MYO1E: variants seen among roughly 807,000 people sequenced by gnomAD.
MYO1E encodes the protein unconventional myosin-Ie.
A neutral mutation model predicts 151.1 loss-of-function variants in MYO1E; 68 were observed. The observed-to-expected ratio is 0.45, with a 90% CI of 0.37 to 0.55. The LOEUF (loss-of-function observed/expected upper bound fraction) is 0.55. MYO1E is among the 20% of genes least tolerant of loss of function. The pLI, the probability that MYO1E is intolerant of heterozygous loss-of-function variation, is 0.00. For missense variants in MYO1E, 1,363 were observed against 1,389.3 expected (o/e 0.98, Z 0.30); for synonymous variants, 601 against 501.7 (o/e 1.20, Z -2.64).
chr15:59,279,955 C>T (rs1391477424), intron 1 of MYO1E, among the ~76,000 whole-genome samples: 1 of 152,128 alleles, frequency 6.6e-6, no homozygotes, highest in Non-Finnish European at 1.5e-5. Context: ...AATATACACA[C>T]ACAGAGCTGT....
intron 1 of MYO1E, among the ~76,000 whole-genome samples, chr15:59,320,546 T>C (rs1303632135): frequency 6.6e-6 from 1 of 152,158 alleles, no homozygotes; most frequent in Non-Finnish European, 1.5e-5. Flanking sequence ...CCTATAACCA[T>C]CTGATCTTCA....
chr15:59,222,907 C>G, intron 9 of MYO1E, 152 bp downstream of exon 9: 2 of 1,207,688 alleles, frequency 1.7e-6, no homozygotes, highest in Non-Finnish European at 1.2e-6. Flanking sequence ...TCTGGTCTCT[C>G]GTGAAGCCAT....
intron 1 of MYO1E, among the ~76,000 whole-genome samples, chr15:59,345,279 C>A (rs1277206550): frequency 6.6e-6 from 1 of 151,712 alleles, no homozygotes; most frequent in East Asian, 1.9e-4. Context: ...AAGCAAAGTG[C>A]AGAATATTGC....
intron 2 of MYO1E, among the ~76,000 whole-genome samples, chr15:59,269,140 A>G (rs2080274998): frequency 6.6e-6 from 1 of 152,176 alleles, no homozygotes; most frequent in Admixed American, 6.5e-5. Flanking sequence ...TTACAGTGGA[A>G]TTTTTGGAAA....
chr15:59,198,116 T>C (rs538673785), intron 16 of MYO1E, among the ~76,000 whole-genome samples: 1 of 152,328 alleles, frequency 6.6e-6, no homozygotes, highest in Admixed American at 6.5e-5. Context: ...TCTTCCCACC[T>C]TGGCCTCCCA....
intron 1 of MYO1E, among the ~76,000 whole-genome samples, chr15:59,358,287 G>A (rs1427408403): frequency 6.6e-6 from 1 of 152,112 alleles, no homozygotes; most frequent in Non-Finnish European, 1.5e-5. Flanking sequence ...ATGAGGAGGA[G>A]GAGAGAGCTC....
At chr15:59,346,472 G>A (rs1196390649) in intron 1 of MYO1E, among the ~76,000 whole-genome samples, 8 of 152,090 alleles carry the variant, frequency 5.3e-5, no homozygotes, top group Non-Finnish European at 1.0e-4. Flanking sequence ...TCTATATTCA[G>A]GTGAGGGAGA....
At chr15:59,195,629 G>C in intron 16 of MYO1E, 62 bp from the exon 17 acceptor site, 1 of 1,410,424 alleles carries the variant, frequency 7.1e-7, no homozygotes, top group Non-Finnish European at 1.0e-6. Context: ...AAATTTCAAA[G>C]GAGACTTGTA....
intron 22 of MYO1E, among the ~76,000 whole-genome samples, chr15:59,169,260 A>G (rs2079578429): frequency 6.6e-6 from 1 of 152,242 alleles, no homozygotes; most frequent in Non-Finnish European, 1.5e-5. Context: ...AATTCTTAAA[A>G]ACACATACAG....
intron 17 of MYO1E, among the ~76,000 whole-genome samples, chr15:59,193,894 C>T (rs2129426): frequency 2.6e-5 from 4 of 151,912 alleles, no homozygotes; most frequent in African/African-American, 9.7e-5. Flanking sequence ...ATGCCTTAAG[C>T]GGTCAGGGGT....
chr15:59,371,550 G>A (rs1327114305), intron 1 of MYO1E, among the ~76,000 whole-genome samples: 1 of 152,076 alleles, frequency 6.6e-6, no homozygotes, highest in Non-Finnish European at 1.5e-5. Flanking sequence ...GGTTATACAG[G>A]GAGGGAGGGG....
In MYO1E at chr15:59,159,875, G is replaced by C. The variant is rs951445865; in HGVS notation, c.2785+1198C>G. ...TAATTAATTTTTGAGATGGAGTTTC[G>C]CTCTTGTTGCCCAGGCTGGTGTGCA... is the stretch of plus-strand genomic sequence containing the variant. On this transcript the variant is annotated intron_variant, in intron 24 of 27. Transcript: ENST00000288235. This position sits in a 1 kb window ranked among gnomAD's most constrained non-coding sequence, Gnocchi z 4.4. 6.6e-6 allele frequency among the ~76,000 whole-genome samples: 1 copy of C among 152,072 alleles called. No individual in the cohort carries two copies. Among genetic ancestry groups the C allele is most frequent in the Non-Finnish European group, 1.5e-5 (1 of 68,028 alleles).
chr15:59,210,774 T>C (rs1353909936), intron 12 of MYO1E, among the ~76,000 whole-genome samples, 174 bp from the exon 13 acceptor site: 1 of 152,238 alleles, frequency 6.6e-6, no homozygotes, highest in Non-Finnish European at 1.5e-5. Context: ...GAACATTTTA[T>C]GACTTGGTGA....
chr15:59,356,564 G>C (rs2080853496), intron 1 of MYO1E, among the ~76,000 whole-genome samples: 2 of 152,162 alleles, frequency 1.3e-5, no homozygotes, highest in South Asian at 4.1e-4. Context: ...ATAACAAAAA[G>C]AAATACAAAC....
intron 9 of MYO1E, among the ~76,000 whole-genome samples, chr15:59,220,636 T>G (rs77303783): frequency 1.3e-5 from 2 of 152,274 alleles, no homozygotes; most frequent in African/African-American, 4.8e-5. Context: ...TCTACAAATT[T>G]ATTCCATAGA....
At chr15:59,287,101 C>T (rs2080391842) in intron 1 of MYO1E, among the ~76,000 whole-genome samples, 1 of 152,168 alleles carries the variant, frequency 6.6e-6, no homozygotes, top group Non-Finnish European at 1.5e-5. Context: ...CTTGCTGTTT[C>T]TTCTGATCCA....
chr15:59,272,120 TA>T, intron 2 of MYO1E, 185 bp downstream of exon 2: 1 of 621,652 alleles, frequency 1.6e-6, no homozygotes, highest in South Asian at 2.0e-5. Context: ...GTTCAGTTTT[TA>T]TTTTTATTTT....
At chr15:59,227,705 G>A in intron 6 of MYO1E, 115 bp from the exon 7 acceptor site, 1 of 1,374,300 alleles carries the variant, frequency 7.3e-7, no homozygotes, top group Middle Eastern at 1.9e-4. Flanking sequence ...TACACATTCT[G>A]AATTACTCCT....
intron 1 of MYO1E, among the ~76,000 whole-genome samples, chr15:59,369,509 G>T (rs562258476): frequency 3.3e-5 from 5 of 152,206 alleles, no homozygotes. Flanking sequence ...ATGATGATAA[G>T]CCCAGATTCT....
Sources: gnomAD v4.1 joint callset for allele counts (sites outside exome capture counted in the v4.1 genomes callset) on GRCh38, gnomAD v4.1.1 for gene constraint, Gnocchi (gnomAD v3.1) non-coding constraint, MANE v1.5 for transcripts, NCBI Gene and HGNC (gene_info 2026-07-23, HGNC 2026-07-21) for gene names.